The following KALRN variants were observed in gnomAD, a reference collection of about 807,000 sequenced individuals.
KALRN encodes kalirin RhoGEF kinase, also known as kalirin.
Under a neutral mutation model 353.7 loss-of-function variants are expected in KALRN, and 70 were observed. The observed-to-expected ratio is 0.20, with a 90% CI of 0.16 to 0.24. The LOEUF is 0.24. Ranked by LOEUF, KALRN falls within the 10% of genes least tolerant of loss-of-function variation. The pLI is 1.00. For synonymous variants in KALRN, 1,391 were observed against 1,434.8 expected, an observed-to-expected ratio of 0.97 and a Z score of 0.69; for missense variants, 2,791 against 3,756.7, an observed-to-expected ratio of 0.74 and a Z score of 6.72.
intron 23 of KALRN, among the ~76,000 whole-genome samples, chr3:124,458,914 A>G (rs2059591709): frequency 6.6e-6 from 1 of 152,224 alleles, no homozygotes; most frequent in Non-Finnish European, 1.5e-5. Context: ...AGCCTGGGCA[A>G]CAGAGCAAGA....
At chr3:124,666,740 T>A (rs769720394) in intron 46 of KALRN, 106 bp downstream of exon 46, 15 of 917,864 alleles carry the variant, frequency 1.6e-5, no homozygotes, top group Non-Finnish European at 2.5e-5. Flanking sequence ...ACCGTGAAGA[T>A]CTTTCAGCCG....
chr3:124,542,226 G>A (rs1009771967), intron 33 of KALRN, among the ~76,000 whole-genome samples: 3 of 152,188 alleles, frequency 2.0e-5, no homozygotes, highest in Non-Finnish European at 2.9e-5. Flanking sequence ...AAATCATCAG[G>A]GAGGCGGCTG....
At chr3:124,202,388 C>CTA (rs980819792) in intron 1 of KALRN, among the ~76,000 whole-genome samples, 3 of 152,192 alleles carry the variant, frequency 2.0e-5, no homozygotes, top group Admixed American at 6.5e-5. Context: ...GTAGCTGGGA[C>CTA]TATAGGTGCG....
chr3:124,202,038 T>A lies in KALRN; in HGVS notation c.74-25952T>A, dbSNP rs973262763. 3.9e-5 allele frequency among the ~76,000 whole-genome samples: 6 copies of A among 152,328 alleles called. No individual in the cohort carries two copies. The Middle Eastern group carries it at 0.01, about 259-fold the overall frequency. On this transcript the variant is annotated intron_variant, in intron 1 of 59. Coordinates refer to ENST00000682506, the MANE Select transcript of KALRN (RefSeq NM_001388419.1). ...TCTTGTCACATCTAATCAGTCCCAC[T>A]TCTTCCTGTCTCCTACCTCCCTTCA...
At chr3:124,455,485 G>T (rs553081080) in intron 22 of KALRN, 126 bp downstream of exon 22, 2 of 969,642 alleles carry the variant, frequency 2.1e-6, no homozygotes, top group South Asian at 1.8e-5. Flanking sequence ...CTCCTAGAGC[G>T]CTTGACTTGT....
chr3:124,345,115 T>A (rs572210145), intron 9 of KALRN, among the ~76,000 whole-genome samples: 1 of 152,172 alleles, frequency 6.6e-6, no homozygotes, highest in African/African-American at 2.4e-5. Context: ...AAACTAAATT[T>A]AAAAAATTGT....
chr3:124,272,557 C>T (rs377076768), intron 5 of KALRN, among the ~76,000 whole-genome samples: 9 of 150,680 alleles, frequency 6.0e-5, no homozygotes, highest in Non-Finnish European at 1.3e-4. Flanking sequence ...GGGGAGTGGG[C>T]GAATGTGCAC....
chr3:124,519,274 T>C, intron 33 of KALRN: 1 of 960,728 alleles, frequency 1.0e-6, no homozygotes, highest in Non-Finnish European at 1.2e-6. Context: ...TACGTGGACA[T>C]TCATTATACC....
chr3:124,071,360 C>G (rs2060010892), intron 1 of KALRN, among the ~76,000 whole-genome samples: 1 of 152,198 alleles, frequency 6.6e-6, no homozygotes, highest in Non-Finnish European at 1.5e-5. Context: ...AAAACATACC[C>G]AGAGAGGTTA....
chr3:124,517,698 C>T (rs929528985), intron 33 of KALRN, among the ~76,000 whole-genome samples: 4 of 152,180 alleles, frequency 2.6e-5, no homozygotes, highest in African/African-American at 9.7e-5. Flanking sequence ...CTCAGGAATT[C>T]ACTCCCTCAG....
At chr3:124,350,306 A>G (rs2082710420) in intron 10 of KALRN, among the ~76,000 whole-genome samples, 1 of 152,234 alleles carries the variant, frequency 6.6e-6, no homozygotes, top group Non-Finnish European at 1.5e-5. Flanking sequence ...ATTTAAATTC[A>G]CGCTAAAGAA....
At chr3:124,587,348 C>T (rs1207678075) in intron 34 of KALRN, among the ~76,000 whole-genome samples, 1 of 152,198 alleles carries the variant, frequency 6.6e-6, no homozygotes, top group Non-Finnish European at 1.5e-5. Context: ...CTGTGGTTCC[C>T]AAGGCAAGGG....
At chr3:124,580,271 CTA>C (rs1353445294) in intron 34 of KALRN, among the ~76,000 whole-genome samples, 1 of 149,376 alleles carries the variant, frequency 6.7e-6, no homozygotes, top group Non-Finnish European at 1.5e-5. Context: ...GGTTTTCAAA[CTA>C]TGCTGCGTAT....
intron 10 of KALRN, among the ~76,000 whole-genome samples, chr3:124,371,119 A>G (rs536654795): frequency 3.3e-5 from 5 of 152,104 alleles, no homozygotes; most frequent in Non-Finnish European, 5.9e-5. Context: ...TGTTGCTCTG[A>G]TTGGGGCTGT....
chr3:124,286,458 G>A (rs1399781968), intron 5 of KALRN, among the ~76,000 whole-genome samples: 1 of 151,930 alleles, frequency 6.6e-6, no homozygotes, highest in Non-Finnish European at 1.5e-5. Context: ...TTGCTGTGTT[G>A]GCCAGGCTGG....
intron 10 of KALRN, among the ~76,000 whole-genome samples, chr3:124,360,318 G>A (rs763242588): frequency 3.5e-4 from 53 of 152,214 alleles, no homozygotes; most frequent in Non-Finnish European, 6.2e-4. Flanking sequence ...TGGAGGACAA[G>A]TCTGTCAGGG....
intron 10 of KALRN, among the ~76,000 whole-genome samples, chr3:124,378,595 A>G (rs865383): frequency 0.4 from 60,444 of 151,934 alleles, 12,782 homozygotes; most frequent in East Asian, 0.74. Context: ...GCTAGTGAAG[A>G]ATTCTTTCAT....
At chr3:124,252,934 C>T (rs918670931) in intron 3 of KALRN, among the ~76,000 whole-genome samples, 2 of 152,208 alleles carry the variant, frequency 1.3e-5, no homozygotes, top group Admixed American at 6.5e-5. Context: ...CATTCAAAAC[C>T]CATTCCTAGA....
At chr3:124,159,477 G>A (rs148355240) in intron 1 of KALRN, among the ~76,000 whole-genome samples, 51 of 151,536 alleles carry the variant, frequency 3.4e-4, no homozygotes, top group African/African-American at 1.1e-3. Context: ...TTGCCCTGTT[G>A]CCAAGGCTGG....
Sources: allele counts gnomAD v4.1 joint callset (sites outside exome capture counted in the v4.1 genomes callset), GRCh38; gene constraint gnomAD v4.1.1; transcripts MANE v1.5; gene names NCBI Gene and HGNC (gene_info 2026-07-23, HGNC 2026-07-21).